FMNL2: variants seen among roughly 807,000 people sequenced by gnomAD.
FMNL2 encodes formin like 2.
Under a neutral mutation model 130.2 loss-of-function variants are expected in FMNL2, and 51 were observed. The ratio of observed to expected loss-of-function variants is 0.39; its 90% CI spans 0.31 to 0.49. The LOEUF is 0.49. Among genes scored for constraint, FMNL2 ranks in the 20% least tolerant of loss-of-function variants. The probability of loss-of-function intolerance (pLI) is 0.85; values close to 1 mark genes in which losing one functional copy is unlikely to be tolerated. For synonymous variants in FMNL2, 465 were observed against 467.1 expected (o/e 1.00, Z 0.06); for missense variants, 977 against 1,316.2 (o/e 0.74, Z 3.99).
intron 6 of FMNL2, among the ~76,000 whole-genome samples, chr2:152,562,535 G>A (rs541801883): frequency 4.9e-4 from 74 of 152,266 alleles, no homozygotes; most frequent in African/African-American, 1.7e-3. Flanking sequence ...TGATATTTGA[G>A]TATGATACCT....
Position 152,487,225 on chromosome 2 carries a change from A to C in FMNL2, c.118-34718A>C, listed in dbSNP as rs1289187882. ...ACAGCAGTTCTGATTTCCTTGTTTG[A>C]AATTTTTGTAAACTTTCCAACTTCT... On this transcript the variant is annotated intron_variant, in intron 1 of 25. Transcript: ENST00000288670. 2.0e-5 allele frequency among the ~76,000 whole-genome samples: 3 copies of C among 152,210 alleles called. No homozygotes were observed. The East Asian group carries it at 5.8e-4, about 29-fold the overall frequency.
chr2:152,490,568 AATGTGTGTGTGTGTGT>A (rs1224494626), intron 1 of FMNL2, among the ~76,000 whole-genome samples: 1 of 35,368 alleles, frequency 2.8e-5, no homozygotes, highest in Non-Finnish European at 6.9e-5. Flanking sequence ...TTTGCTATCC[AATGTGTGTGTGTGTGT>A]GTGTGTGTGT....
chr2:152,387,720 G>C (rs1463051950), intron 1 of FMNL2, among the ~76,000 whole-genome samples: 3 of 151,874 alleles, frequency 2.0e-5, no homozygotes, highest in Non-Finnish European at 2.9e-5. Context: ...GTAGTGCAAT[G>C]ATAGCTGACT....
At chr2:152,489,090 G>A (rs1690998580) in intron 1 of FMNL2, among the ~76,000 whole-genome samples, 1 of 152,156 alleles carries the variant, frequency 6.6e-6, no homozygotes, top group Non-Finnish European at 1.5e-5. Flanking sequence ...TGCAAAGGAT[G>A]CCTGTGGAAT....
chr2:152,342,675 AAACCTGTCTTTC>A (rs1389420212), intron 1 of FMNL2, among the ~76,000 whole-genome samples: 2 of 152,180 alleles, frequency 1.3e-5, no homozygotes, highest in African/African-American at 4.8e-5. Context: ...TCCTTTCCAG[AAACCTGTCTTTC>A]AACATAAATG....
chr2:152,589,979 A>ATATG lies in FMNL2; in HGVS notation c.876+8933_876+8934insGTAT, dbSNP rs1553482681. On this transcript the variant is annotated intron_variant, in intron 9 of 25. Transcript: ENST00000288670. The stretch of plus-strand genomic sequence containing the variant: ...TATATATATATATATATATATATAT[A>ATATG]TATATGTATATGTATATGTATATAT... Among the ~76,000 whole-genome samples the ATATG allele has an allele frequency of 6.3e-3, 281 of 44,394 alleles. 1 individual carries two copies. Among genetic ancestry groups the ATATG allele is most frequent in the East Asian group, 0.052 (52 of 1,004 alleles). 29.1% of individuals were successfully genotyped at this position (44,394 alleles called of 152,430 possible). A position where few individuals can be genotyped will look rare whatever the true frequency, so the allele number is the denominator to read the frequency against.
chr2:152,557,061 C>T (rs1695254316), intron 4 of FMNL2, among the ~76,000 whole-genome samples: 1 of 152,102 alleles, frequency 6.6e-6, no homozygotes, highest in Non-Finnish European at 1.5e-5. Context: ...TTTAAGTCTC[C>T]AGCCAGTTAC....
intron 9 of FMNL2, 59 bp downstream of exon 9, chr2:152,581,108 G>T: frequency 6.8e-7 from 1 of 1,463,966 alleles, no homozygotes; most frequent in South Asian, 1.2e-5. Context: ...GGACATCTTT[G>T]AACGGAATTA....
intron 1 of FMNL2, among the ~76,000 whole-genome samples, chr2:152,470,475 G>GAGA (rs545188921): frequency 1.1e-4 from 16 of 152,198 alleles, no homozygotes; most frequent in Non-Finnish European, 1.9e-4. Context: ...TGGGAAAGTA[G>GAGA]AGAAGAAGCT....
chr2:152,643,914 A>G (rs1484361079), intron 25 of FMNL2: 3 of 982,232 alleles, frequency 3.1e-6, no homozygotes, highest in Non-Finnish European at 3.6e-6. Context: ...AATAACTGCT[A>G]TACCTAACAT....
chr2:152,521,913 A>G (rs1394660881), intron 1 of FMNL2, 30 bp from the exon 2 acceptor site: 1 of 1,572,498 alleles, frequency 6.4e-7, no homozygotes. Flanking sequence ...GGAATGTGAC[A>G]TCTTTTCTCT....
chr2:152,645,782 CCT>C (rs1309719872), intron 25 of FMNL2, among the ~76,000 whole-genome samples: 8 of 152,236 alleles, frequency 5.3e-5, no homozygotes, highest in South Asian at 2.1e-4. Context: ...TTCCCTTACC[CCT>C]GTCTTGGCCT....
intron 17 of FMNL2, 56 bp downstream of exon 17, chr2:152,626,783 G>A (rs1353045179): frequency 1.3e-6 from 2 of 1,496,166 alleles, no homozygotes; most frequent in South Asian, 2.6e-5. Flanking sequence ...AAATGAGAAA[G>A]TTATGAATTA....
chr2:152,499,842 T>A (rs1425197537), intron 1 of FMNL2, among the ~76,000 whole-genome samples: 1 of 152,250 alleles, frequency 6.6e-6, no homozygotes, highest in Non-Finnish European at 1.5e-5. Context: ...CTTGTTTTTG[T>A]GATTTTGATG....
chr2:152,542,736 C>T lies in FMNL2; in HGVS notation c.202-3C>T, dbSNP rs1375553983. ...ATGCTTTGGACTTTTGTGCTTTCTG[C>T]AGGAACGATTCCAGGTGAAGAATCC... On this transcript the variant is annotated splice_region_variant and splice_polypyrimidine_tract_variant and intron_variant, in intron 2 of 25. Transcript: ENST00000288670. The T allele has an allele frequency of 1.9e-6, 3 of 1,613,990 alleles. No homozygotes were observed. Among genetic ancestry groups the T allele is most frequent in the African/African-American group, 1.3e-5 (1 of 75,062 alleles).
chr2:152,383,273 C>CTTTTTTTT (rs35206829), intron 1 of FMNL2, among the ~76,000 whole-genome samples: 15 of 97,614 alleles, frequency 1.5e-4, no homozygotes, highest in Middle Eastern at 7.7e-3. Flanking sequence ...TCCGTTAATC[C>CTTTTTTTT]TTTTTTTTTT....
At chr2:152,644,250 CT>C (rs935707435) in intron 25 of FMNL2, among the ~76,000 whole-genome samples, 9 of 152,164 alleles carry the variant, frequency 5.9e-5, no homozygotes, top group African/African-American at 1.9e-4. Context: ...ACAAAACATA[CT>C]GTTCTAAGTA....
Position 152,560,853 on chromosome 2 carries a change from G to T in FMNL2, c.444-30G>T, listed in dbSNP as rs780556014. On this transcript the variant is annotated intron_variant, in intron 5 of 25. Transcript: ENST00000288670. ...TATACATGTGAATGTGAATTTTTCA[G>T]TCTTCAATGGCATTTCTCTTTTGTT... The T allele has an allele frequency of 7.6e-6, 12 of 1,587,716 alleles. 1 individual carries two copies. Among genetic ancestry groups the T allele is most frequent in the Middle Eastern group, 3.3e-4 (2 of 5,984 alleles).
Position 152,648,142 on chromosome 2 carries a change from G to T in FMNL2, c.*237G>T. ...AAAGCAATAGGATTTGATTTGATTA[G>T]GTATCTTTTTACACCAGTATGTTAT... On this transcript the variant is annotated 3_prime_UTR_variant, in exon 26 of 26. Coordinates refer to ENST00000288670, the MANE Select transcript of FMNL2 (RefSeq NM_052905.4). 2.2e-6 allele frequency: 1 copy of T among 461,476 alleles called. No individual in the cohort carries two copies. The highest frequency in any genetic ancestry group is 3.8e-6 in the Non-Finnish European group (1 of 262,446). The allele number at this position is 461,476 out of a possible 1,614,324, so 28.6% of individuals were successfully genotyped here. A position where few individuals can be genotyped will look rare whatever the true frequency, so the allele number is the denominator to read the frequency against.
Sources: allele counts gnomAD v4.1 joint callset (sites outside exome capture counted in the v4.1 genomes callset), GRCh38; gene constraint gnomAD v4.1.1; transcripts MANE v1.5; gene names NCBI Gene and HGNC (gene_info 2026-07-23, HGNC 2026-07-21).